Variants in RBM6 observed in about 807,000 individuals in gnomAD.
RBM6 encodes RNA-binding protein 6.
A neutral mutation model predicts 140.4 loss-of-function variants in RBM6; 23 were observed. That is an observed-to-expected ratio of 0.16 (90% CI 0.12 to 0.23). RBM6 has a LOEUF of 0.23. RBM6 is among the 10% of genes least tolerant of loss of function. RBM6 has a pLI of 1.00. For missense variants in RBM6, 1,139 were observed against 1,386.7 expected (o/e 0.82, Z 2.84); for synonymous variants, 439 against 475.6 (o/e 0.92, Z 1.00).
At chr3:50,017,515 G>A (rs1054229474) in intron 6 of RBM6, among the ~76,000 whole-genome samples, 3 of 148,626 alleles carry the variant, frequency 2.0e-5, no homozygotes, top group Admixed American at 6.8e-5. Context: ...CCAAGATCGC[G>A]CCACTGCACT....
chr3:50,064,360 G>C (rs956919862), intron 15 of RBM6, among the ~76,000 whole-genome samples: 1 of 152,072 alleles, frequency 6.6e-6, no homozygotes, highest in African/African-American at 2.4e-5. Flanking sequence ...CACTTAATCT[G>C]TCAAACTATA....
At chr3:49,962,493 C>T in intron 1 of RBM6, 83 bp from the exon 2 acceptor site, 1 of 654,186 alleles carries the variant, frequency 1.5e-6, no homozygotes, top group Non-Finnish European at 2.7e-6. Context: ...TGATGTGGTC[C>T]CTCATAAACC....
rs116269125 is a variant in RBM6, at chr3:50,007,434, T to C, written c.1557+7921T>C. ...ACTCCTGAGGTCAAAGCGATCTGCC[T>C]ACCTCAGCCTCCCAAAGTGCTGGAT... On this transcript the variant is annotated intron_variant, in intron 6 of 20. Transcript: ENST00000266022. 6.1e-3 allele frequency among the ~76,000 whole-genome samples: 927 copies of C among 152,080 alleles called. 10 individuals carry two copies. The highest frequency in any genetic ancestry group is 0.021 in the African/African-American group (875 of 41,490).
chr3:49,987,729 C>T (rs772710885), intron 5 of RBM6, among the ~76,000 whole-genome samples: 11 of 152,150 alleles, frequency 7.2e-5, no homozygotes, highest in South Asian at 2.1e-4. Context: ...ACCTCTGCCT[C>T]CTGGGTTCAA....
chr3:50,016,042 G>A (rs1387609445), intron 6 of RBM6, among the ~76,000 whole-genome samples: 1 of 152,260 alleles, frequency 6.6e-6, no homozygotes, highest in South Asian at 2.1e-4. Context: ...TCTTCCTCCT[G>A]TCTGACTGAA....
At chr3:50,039,913 A>G (rs1013413452) in intron 6 of RBM6, among the ~76,000 whole-genome samples, 7 of 152,132 alleles carry the variant, frequency 4.6e-5, no homozygotes, top group Non-Finnish European at 7.4e-5. Flanking sequence ...CGCAAATACA[A>G]ATGTAATGGA....
At chr3:49,990,271 C>T (rs940171738) in intron 5 of RBM6, among the ~76,000 whole-genome samples, 7 of 152,074 alleles carry the variant, frequency 4.6e-5, no homozygotes, top group Non-Finnish European at 8.8e-5. Flanking sequence ...ATTGTATAGC[C>T]TGTTACTCTT....
intron 1 of RBM6, among the ~76,000 whole-genome samples, chr3:49,947,686 A>G (rs1251248673): frequency 1.3e-5 from 2 of 151,654 alleles, no homozygotes; most frequent in African/African-American, 4.8e-5. Context: ...TTCCCCTAAG[A>G]TTTTATAGTT....
intron 1 of RBM6, among the ~76,000 whole-genome samples, chr3:49,954,459 A>T (rs1045844741): frequency 2.7e-5 from 4 of 149,836 alleles, no homozygotes; most frequent in South Asian, 4.2e-4. Flanking sequence ...AAAAAAAAAA[A>T]TTTGTGAAGA....
chr3:49,970,045 G>T (rs2084717872), intron 3 of RBM6, among the ~76,000 whole-genome samples: 1 of 151,918 alleles, frequency 6.6e-6, no homozygotes, highest in Non-Finnish European at 1.5e-5. Flanking sequence ...TGTTCAAGCA[G>T]TCTTCCTGCC....
chr3:49,953,709 G>A (rs972727408), intron 1 of RBM6, among the ~76,000 whole-genome samples: 10 of 151,396 alleles, frequency 6.6e-5, no homozygotes, highest in Admixed American at 2.6e-4. Context: ...TAGTAGAGAC[G>A]GGGTTTCACC....
At chr3:50,053,275 T>A (rs1425952993) in intron 7 of RBM6, among the ~76,000 whole-genome samples, 2 of 152,132 alleles carry the variant, frequency 1.3e-5, no homozygotes, top group Non-Finnish European at 2.9e-5. Context: ...CTCACACCTA[T>A]AATCCCAGCA....
intron 5 of RBM6, among the ~76,000 whole-genome samples, chr3:49,991,955 A>G (rs2085847454): frequency 7.6e-6 from 1 of 132,422 alleles, no homozygotes; most frequent in Non-Finnish European, 1.7e-5. Flanking sequence ...TTATTTATTT[A>G]TTTATTTATT....
At chr3:50,004,779 C>A (rs75435353) in intron 6 of RBM6, among the ~76,000 whole-genome samples, 1 of 151,904 alleles carries the variant, frequency 6.6e-6, no homozygotes, top group African/African-American at 2.4e-5. Flanking sequence ...CCACCATGTT[C>A]GGCTAATTAA....
chr3:49,972,434 C>T (rs2084842855), intron 4 of RBM6, among the ~76,000 whole-genome samples: 1 of 152,174 alleles, frequency 6.6e-6, no homozygotes, highest in Admixed American at 6.5e-5. Flanking sequence ...TGATTGCTCT[C>T]TTTAGACCTG....
At chr3:49,954,773 T>C (rs1317964354) in intron 1 of RBM6, among the ~76,000 whole-genome samples, 2 of 152,010 alleles carry the variant, frequency 1.3e-5, no homozygotes, top group Non-Finnish European at 2.9e-5. Flanking sequence ...TTTTTTTTTT[T>C]TTTGAAATGG....
chr3:49,994,016 A>G (rs1027371082), intron 5 of RBM6, among the ~76,000 whole-genome samples: 4 of 152,214 alleles, frequency 2.6e-5, no homozygotes, highest in Non-Finnish European at 5.9e-5. Context: ...ATAATTTGAC[A>G]TATGAGTCAG....
At chr3:49,995,354 G>A (rs1019600408) in intron 5 of RBM6, among the ~76,000 whole-genome samples, 7 of 151,976 alleles carry the variant, frequency 4.6e-5, no homozygotes, top group Admixed American at 3.3e-4. Context: ...TCAGGAGTTC[G>A]AGACCAGCCT....
intron 5 of RBM6, among the ~76,000 whole-genome samples, chr3:49,990,570 C>T (rs1351973595): frequency 6.6e-6 from 1 of 152,132 alleles, no homozygotes; most frequent in Non-Finnish European, 1.5e-5. Flanking sequence ...TCTTTTTAGC[C>T]TCTGTATTAA....
Sources: gnomAD v4.1 joint callset for allele counts (sites outside exome capture counted in the v4.1 genomes callset) on GRCh38, gnomAD v4.1.1 for gene constraint, MANE v1.5 for transcripts, NCBI Gene and HGNC (gene_info 2026-07-23, HGNC 2026-07-21) for gene names.